USP9X: variants seen among roughly 807,000 people sequenced by gnomAD.
USP9X encodes the protein ubiquitin specific peptidase 9 X-linked, also known as ubiquitin carboxyl-terminal hydrolase 9X.
A neutral mutation model predicts 190.3 loss-of-function variants in USP9X; 7 were observed. The observed-to-expected ratio is 0.04, with a 90% CI of 0.02 to 0.07. The LOEUF (loss-of-function observed/expected upper bound fraction) is 0.07. USP9X is among the 10% of genes least tolerant of loss of function. The pLI is 1.00. For missense variants in USP9X, 1,010 were observed against 1,916.9 expected, an observed-to-expected ratio of 0.53 and a Z score of 8.83; for synonymous variants, 645 against 659.5, an observed-to-expected ratio of 0.98 and a Z score of 0.34.
In USP9X at chrX:41,140,989, T is replaced by C. The variant is rs1318820345; in HGVS notation, c.794T>C (p.Phe265Ser). Residue 265 changes from phenylalanine to serine, a missense_variant, in exon 8 of 45, where the codon TTT becomes TCT. Physicochemically the swap from Phe to Ser is radical, Grantham distance 155. Transcript: ENST00000378308. ...AGACCATTTGGGCAATGCTATGAGT[T>C]TCTCACTCTTCATACAGTGAAAAAG... The part of the protein sequence containing the change: ...LIKPFGQCYE[F>S]LTLHTVKKYF... 6 of 1,193,983 alleles carry C rather than the reference T, an allele frequency of 5.0e-6. No individual in the cohort carries two copies. Among genetic ancestry groups the C allele is most frequent in the Non-Finnish European group, 6.7e-6 (6 of 889,687 alleles).
chrX:41,205,546 T>C, intron 32 of USP9X, 53 bp downstream of exon 32: 2 of 1,045,023 alleles, frequency 1.9e-6, no homozygotes, highest in Non-Finnish European at 2.6e-6. Context: ...AACATCTCAA[T>C]ACACTAACAT....
intron 11 of USP9X, among the ~76,000 whole-genome samples, chrX:41,146,331 T>G (rs1308232336): frequency 8.9e-6 from 1 of 112,184 alleles, no homozygotes; most frequent in African/African-American, 3.2e-5. Context: ...GCAATTCTTA[T>G]GGAGTGTTGA....
chrX:41,151,492 G>A (rs2062524908), intron 13 of USP9X, among the ~76,000 whole-genome samples: 1 of 111,444 alleles, frequency 9.0e-6, no homozygotes, highest in Non-Finnish European at 1.9e-5. Context: ...ACTATCTTAG[G>A]TGTCATATTC....
intron 31 of USP9X, 69 bp downstream of exon 31, chrX:41,201,349 G>A: frequency 9.8e-7 from 1 of 1,016,034 alleles, no homozygotes; most frequent in Non-Finnish European, 1.4e-6. Flanking sequence ...TCTCTCTTAA[G>A]AGAGTGTTAT....
chrX:41,197,183 A>G (rs1317930390), intron 28 of USP9X, among the ~76,000 whole-genome samples, 181 bp from the exon 29 acceptor site: 1 of 111,753 alleles, frequency 8.9e-6, no homozygotes. Flanking sequence ...AGTAGTTCAT[A>G]AAGCCAATTT....
At chrX:41,230,682 C>T in intron 44 of USP9X, 86 bp downstream of exon 44, 1 of 809,644 alleles carries the variant, frequency 1.2e-6, no homozygotes, top group Non-Finnish European at 1.8e-6. Context: ...TTTGTTGTGA[C>T]TACAAAGTAA....
intron 1 of USP9X, among the ~76,000 whole-genome samples, chrX:41,089,494 C>T (rs2061937439): frequency 8.9e-6 from 1 of 111,968 alleles, no homozygotes; most frequent in African/African-American, 3.3e-5. Context: ...GGTTTCTCCC[C>T]TTCCATATAT....
intron 26 of USP9X, among the ~76,000 whole-genome samples, chrX:41,192,015 C>T (rs1273135170): frequency 1.8e-5 from 2 of 111,401 alleles, no homozygotes; most frequent in Non-Finnish European, 3.8e-5. Context: ...ATGGTCTACC[C>T]TGATCTAAGC....
intron 32 of USP9X, among the ~76,000 whole-genome samples, chrX:41,208,303 G>A (rs756207645): frequency 8.9e-6 from 1 of 112,536 alleles, no homozygotes; most frequent in East Asian, 2.8e-4. Flanking sequence ...GGGATTACAG[G>A]CGAGAGCCAC....
chrX:41,182,264 T>G (rs2062833684), intron 21 of USP9X, among the ~76,000 whole-genome samples: 1 of 111,056 alleles, frequency 9.0e-6, no homozygotes, highest in Admixed American at 9.5e-5. Context: ...GGTTCCCAAC[T>G]ACTCAGAAGG....
intron 21 of USP9X, among the ~76,000 whole-genome samples, chrX:41,172,478 C>T (rs1406410428): frequency 9.0e-6 from 1 of 111,731 alleles, no homozygotes; most frequent in Non-Finnish European, 1.9e-5. Context: ...ATATATGTAC[C>T]ATTATGTCTG....
intron 14 of USP9X, among the ~76,000 whole-genome samples, chrX:41,158,356 G>C (rs1436037456): frequency 9.0e-6 from 1 of 111,356 alleles, no homozygotes; most frequent in Admixed American, 9.5e-5. Context: ...TCCTGCACAA[G>C]GAAACCCCAA....
At chrX:41,115,040 G>A (rs2146966752) in intron 1 of USP9X, among the ~76,000 whole-genome samples, 1 of 107,935 alleles carries the variant, frequency 9.3e-6, no homozygotes, top group South Asian at 4.1e-4. Context: ...GGCCAACATA[G>A]TGAAAACCCA....
chrX:41,194,764 A>G (rs2062967634), intron 26 of USP9X, among the ~76,000 whole-genome samples: 1 of 111,177 alleles, frequency 9.0e-6, no homozygotes, highest in Non-Finnish European at 1.9e-5. Flanking sequence ...TAAAGAGCTT[A>G]CTTTGTAATG....
At chrX:41,164,096 C>T (rs772274020) in intron 15 of USP9X, among the ~76,000 whole-genome samples, 1 of 111,315 alleles carries the variant, frequency 9.0e-6, no homozygotes, top group East Asian at 2.8e-4. Flanking sequence ...TGGTCTCTAT[C>T]TCTTGACCTC....
At chrX:41,152,674 TTATAG>T (rs1449031900) in intron 13 of USP9X, among the ~76,000 whole-genome samples, 1 of 111,971 alleles carries the variant, frequency 8.9e-6, no homozygotes, top group Non-Finnish European at 1.9e-5. Context: ...TTTGGTACAG[TTATAG>T]TATAGACATT....
chrX:41,096,190 A>G (rs2061990301), intron 1 of USP9X, among the ~76,000 whole-genome samples: 1 of 112,441 alleles, frequency 8.9e-6, no homozygotes. Context: ...CACAAGTGTC[A>G]TCTTCCCCCC....
intron 23 of USP9X, among the ~76,000 whole-genome samples, chrX:41,185,564 G>A (rs1199491395): frequency 1.8e-5 from 2 of 111,071 alleles, no homozygotes; most frequent in Non-Finnish European, 3.8e-5. Flanking sequence ...TACTACTTTC[G>A]ACACTTTGAT....
intron 21 of USP9X, among the ~76,000 whole-genome samples, chrX:41,177,455 CAG>C (rs765174644): frequency 6.2e-5 from 7 of 112,058 alleles, no homozygotes; most frequent in African/African-American, 2.3e-4. Flanking sequence ...GTACATTTGA[CAG>C]AGTACTACTT....
Sources: gnomAD v4.1 joint callset for allele counts (sites outside exome capture counted in the v4.1 genomes callset) on GRCh38, gnomAD v4.1.1 for gene constraint, MANE v1.5 for transcripts, NCBI Gene and HGNC (gene_info 2026-07-23, HGNC 2026-07-21) for gene names.